PTPRA: variants seen among roughly 807,000 people sequenced by gnomAD.
PTPRA encodes the protein receptor-type tyrosine-protein phosphatase alpha.
A neutral mutation model predicts 104.8 loss-of-function variants in PTPRA; 25 were observed. The ratio of observed to expected loss-of-function variants is 0.24; its 90% CI spans 0.17 to 0.33. The LOEUF (loss-of-function observed/expected upper bound fraction) is 0.33, where lower values mean the gene tolerates loss of function less well. PTPRA is among the 10% of genes least tolerant of loss of function. The pLI is 1.00. For synonymous variants in PTPRA, 323 were observed against 368.9 expected (o/e 0.88, Z 1.43); for missense variants, 765 against 1,015.3 (o/e 0.75, Z 3.35).
chr20:2,983,334 C>A (rs991154467), intron 6 of PTPRA, among the ~76,000 whole-genome samples: 2 of 151,680 alleles, frequency 1.3e-5, no homozygotes, highest in Admixed American at 1.3e-4. Flanking sequence ...AGAGATAGGG[C>A]AGGTAGGGGC....
chr20:2,888,183 G>T (rs1168502165), intron 1 of PTPRA, among the ~76,000 whole-genome samples: 2 of 152,334 alleles, frequency 1.3e-5, no homozygotes, highest in South Asian at 4.1e-4. Context: ...CCAGTGAGCA[G>T]TAGTGCCATC....
intron 2 of PTPRA, among the ~76,000 whole-genome samples, chr20:2,940,079 C>T (rs2060853220): frequency 3.3e-5 from 5 of 152,218 alleles, no homozygotes; most frequent in Admixed American, 3.3e-4. Flanking sequence ...CACTGCGCTC[C>T]AGCCTGGGCA....
Position 3,027,804 on chromosome 20 carries a change from C to T in PTPRA, c.1883C>T (p.Ser628Phe). 6.2e-7 allele frequency: 1 copy of T among 1,614,166 alleles called. No individual in the cohort carries two copies. The highest frequency in any genetic ancestry group is 8.5e-7 in the Non-Finnish European group (1 of 1,180,038). ...WRMIWEWKSC[S>F]IVMLTELEER... is the part of the protein sequence containing the mutation. ...ATGATCTGGGAGTGGAAATCCTGCT[C>T]TATCGTGATGCTAACAGAACTGGAG... is the stretch of plus-strand genomic sequence containing the variant. Residue 628 changes from serine to phenylalanine, a missense_variant, in exon 20 of 24, where the codon TCT (serine) becomes TTT (phenylalanine). Coordinates refer to ENST00000399903, the MANE Select transcript of PTPRA (RefSeq NM_001385305.1).
chr20:2,875,302 C>T (rs554421545), intron 1 of PTPRA, among the ~76,000 whole-genome samples: 3 of 152,244 alleles, frequency 2.0e-5, no homozygotes, highest in Admixed American at 6.5e-5. Context: ...TCCCACTGGC[C>T]TCCAAAAAAC....
chr20:2,967,265 C>G (rs1414701227), intron 5 of PTPRA, among the ~76,000 whole-genome samples: 1 of 152,136 alleles, frequency 6.6e-6, no homozygotes, highest in Non-Finnish European at 1.5e-5. Context: ...ACATTTAACA[C>G]AGTTCACGTC....
At chr20:2,975,359 T>G in intron 6 of PTPRA, 118 bp downstream of exon 6, 1 of 829,366 alleles carries the variant, frequency 1.2e-6, no homozygotes, top group Non-Finnish European at 1.7e-6. Context: ...TTTGTTTACT[T>G]TCCCTTAAGT....
intron 9 of PTPRA, among the ~76,000 whole-genome samples, chr20:3,003,504 C>T (rs79285130): frequency 0.023 from 3,517 of 152,052 alleles, 78 homozygotes; most frequent in Non-Finnish European, 0.036. Flanking sequence ...GTCACTTACT[C>T]GGAATTAGTG....
rs773334274 is a variant in PTPRA, at chr20:2,988,445, G to T, written c.709G>T (p.Asp237Tyr). 1 of 1,613,156 alleles carries T rather than the reference G, an allele frequency of 6.2e-7. No individual in the cohort carries two copies. Among genetic ancestry groups the T allele is most frequent in the East Asian group, 2.2e-5 (1 of 44,854 alleles). ...EEEINRRMAD[D>Y]NKLFREEFNA... is the part of the protein sequence containing the mutation. ...GGAAATTAACCGGAGAATGGCAGACGACAATAAGCTCTTCAGGGAGGAATT... is the reference window on the plus strand; with the variant it reads ...GGAAATTAACCGGAGAATGGCAGACTACAATAAGCTCTTCAGGGAGGAATT... Residue 237 changes from aspartate (D) to tyrosine (Y), a missense_variant, in exon 9 of 24, where the codon GAC becomes TAC. Coordinates refer to ENST00000399903, the MANE Select transcript of PTPRA (RefSeq NM_001385305.1).
chr20:2,866,680 G>GC, the PTPRA span: 1 of 1,509,886 alleles, frequency 6.6e-7, no homozygotes, highest in South Asian at 1.3e-5. Context: ...ATGCTGAGGA[G>GC]CGGGGGCATG....
intron 11 of PTPRA, among the ~76,000 whole-genome samples, chr20:3,007,877 T>A (rs1473676385): frequency 6.6e-6 from 1 of 152,116 alleles, no homozygotes; most frequent in Non-Finnish European, 1.5e-5. Context: ...TAGCCATATA[T>A]GAACCAAGGC....
chr20:2,914,107 C>T (rs2147261800), intron 1 of PTPRA, among the ~76,000 whole-genome samples: 1 of 152,174 alleles, frequency 6.6e-6, no homozygotes, highest in South Asian at 2.1e-4. Flanking sequence ...GAGTTTGTCC[C>T]AGATTTGGTC....
chr20:2,927,475 C>A (rs187966697), intron 2 of PTPRA, among the ~76,000 whole-genome samples: 142 of 152,242 alleles, frequency 9.3e-4, no homozygotes, highest in Middle Eastern at 3.4e-3. Flanking sequence ...ATTATAGTTT[C>A]ACTTTTCACC....
Position 2,917,193 on chromosome 20 carries a change from A to G in PTPRA, c.-128-6014A>G, listed in dbSNP as rs201821751. On this transcript the variant is annotated intron_variant, in intron 1 of 23. Transcript: ENST00000399903. ...GCTGGTCTCGAACTCCTGACCCCCA[A>G]GTGATCCGCCGGCCTCGGCCTCCCA... 2.6e-5 allele frequency among the ~76,000 whole-genome samples: 4 copies of G among 151,988 alleles called. No individual in the cohort carries two copies. The East Asian group carries it at 7.7e-4, about 29-fold the overall frequency.
chr20:2,892,019 G>A lies in PTPRA; in HGVS notation c.-129+18259G>A, dbSNP rs185086420. Among the ~76,000 whole-genome samples the A allele has an allele frequency of 1.3e-4, 20 of 152,210 alleles. 1 individual carries two copies. The highest frequency in any genetic ancestry group is 1.2e-3 in the Admixed American group (18 of 15,280). On this transcript the variant is annotated intron_variant, in intron 1 of 23. Coordinates refer to ENST00000399903, the MANE Select transcript of PTPRA (RefSeq NM_001385305.1). ...GAGAGGGTCAACTGGGCCGGGCGCG[G>A]TGGCTCACACCCGTAATCCCAGCAC...
At chr20:2,952,849 A>T (rs1235446013) in intron 3 of PTPRA, among the ~76,000 whole-genome samples, 1 of 152,178 alleles carries the variant, frequency 6.6e-6, no homozygotes, top group Non-Finnish European at 1.5e-5. Context: ...TATTAGTATA[A>T]TGTCTTCAAG....
At chr20:2,864,794 C>T in the PTPRA span, 3 of 1,159,152 alleles carry the variant, frequency 2.6e-6, no homozygotes, top group Non-Finnish European at 3.7e-6. The surrounding 1 kb of genome is among the most constrained non-coding windows in gnomAD (Gnocchi z 5.2). Flanking sequence ...TGACGTGAGG[C>T]CAGGATGGGG....
intron 6 of PTPRA, among the ~76,000 whole-genome samples, chr20:2,977,671 T>G (rs1397274777): frequency 6.6e-6 from 1 of 151,770 alleles, no homozygotes; most frequent in Non-Finnish European, 1.5e-5. Context: ...GGGATTATCA[T>G]AGTGCCATTA....
At chr20:2,928,690 C>T (rs2060397011) in intron 2 of PTPRA, among the ~76,000 whole-genome samples, 1 of 152,064 alleles carries the variant, frequency 6.6e-6, no homozygotes, top group African/African-American at 2.4e-5. Flanking sequence ...TGGTTCTTTT[C>T]TGTCAGCAGC....
chr20:3,008,909 CAAA>C (rs942762725), intron 11 of PTPRA, among the ~76,000 whole-genome samples: 2 of 145,232 alleles, frequency 1.4e-5, no homozygotes, highest in Admixed American at 1.4e-4. Flanking sequence ...GAGACTGTCT[CAAA>C]AAAAAAGAAG....
Sources: gnomAD v4.1 joint callset for allele counts (sites outside exome capture counted in the v4.1 genomes callset) on GRCh38, gnomAD v4.1.1 for gene constraint, Gnocchi (gnomAD v3.1) non-coding constraint, MANE v1.5 for transcripts, NCBI Gene and HGNC (gene_info 2026-07-23, HGNC 2026-07-21) for gene names.